The following CTNNA1 variants were observed in gnomAD, a reference collection of about 807,000 sequenced individuals.
CTNNA1 encodes catenin alpha 1, also known as catenin alpha-1.
In CTNNA1, 37 loss-of-function variants were observed where a neutral mutation model predicts 98.4. The observed-to-expected ratio is 0.38, with a 90% CI of 0.29 to 0.49. The LOEUF (loss-of-function observed/expected upper bound fraction) is 0.49, where lower values mean the gene tolerates loss of function less well. Among genes scored for constraint, CTNNA1 ranks in the 20% least tolerant of loss-of-function variants. The pLI, the probability that CTNNA1 is intolerant of heterozygous loss-of-function variation, is 0.95. For synonymous variants in CTNNA1, 404 were observed against 413.2 expected (o/e 0.98, Z 0.27); for missense variants, 761 against 1,147.2 (o/e 0.66, Z 4.86).
Position 138,772,879 on chromosome 5 carries a change from GAATTCAACTTCTTTCATTTTAT to G in CTNNA1, c.-2-9042_-2-9021del, listed in dbSNP as rs1753701713. Among the ~76,000 whole-genome samples the G allele has an allele frequency of 6.6e-5, 8 of 121,876 alleles. No individual in the cohort carries two copies. In the South Asian group the frequency reaches 1.7e-3, roughly 26 times the overall value. The allele number at this position is 121,876 out of a possible 152,430, so 80.0% of individuals were successfully genotyped here. On this transcript the variant is annotated intron_variant, in intron 1 of 17. Transcript: ENST00000302763. Reference sequence around the variant, plus strand: ...CAGGACTAGAAGGATTTGGAGTATAGAATTCAACTTCTTTCATTTTATAGATAGATGAAAAGAGCACCAGAAT... The same window carrying G: ...CAGGACTAGAAGGATTTGGAGTATAGAGATAGATGAAAAGAGCACCAGAAT...
At chr5:138,863,977 T>A (rs943599480) in intron 7 of CTNNA1, among the ~76,000 whole-genome samples, 17 of 152,174 alleles carry the variant, frequency 1.1e-4, no homozygotes, top group African/African-American at 4.1e-4. Flanking sequence ...TCTTTTTTTT[T>A]AATTAGATGG....
chr5:138,875,456 G>A, intron 7 of CTNNA1: 1 of 985,566 alleles, frequency 1.0e-6, no homozygotes, highest in Non-Finnish European at 1.2e-6. Flanking sequence ...CTTTGTAACA[G>A]CATCGGGGTC....
intron 7 of CTNNA1, among the ~76,000 whole-genome samples, chr5:138,868,370 C>T (rs1360182222): frequency 1.3e-5 from 2 of 152,180 alleles, no homozygotes; most frequent in African/African-American, 2.4e-5. Context: ...CTCACTGAGT[C>T]GTCATCCAGG....
chr5:138,855,648 G>A (rs1396457807), intron 7 of CTNNA1, among the ~76,000 whole-genome samples: 1 of 152,198 alleles, frequency 6.6e-6, no homozygotes, highest in Non-Finnish European at 1.5e-5. Context: ...ACGGTGTTTG[G>A]TGGGTGAGAC....
intron 5 of CTNNA1, among the ~76,000 whole-genome samples, chr5:138,815,475 T>C (rs1759341443): frequency 6.6e-6 from 1 of 152,040 alleles, no homozygotes; most frequent in South Asian, 2.1e-4. Context: ...GTGTTACTCT[T>C]AGGCCTCTTT....
intron 9 of CTNNA1, among the ~76,000 whole-genome samples, chr5:138,894,412 G>T (rs1561674360): frequency 6.7e-6 from 1 of 150,204 alleles, no homozygotes; most frequent in Non-Finnish European, 1.5e-5. Context: ...CTCCTGAGTA[G>T]CTGGGGCCAC....
intron 7 of CTNNA1, among the ~76,000 whole-genome samples, chr5:138,866,828 G>A (rs1764828014): frequency 6.6e-6 from 1 of 152,156 alleles, no homozygotes; most frequent in Non-Finnish European, 1.5e-5. Context: ...TTCATGCTAA[G>A]GAGAAATGTT....
chr5:138,858,948 T>C (rs553623822), intron 7 of CTNNA1, among the ~76,000 whole-genome samples: 2 of 152,340 alleles, frequency 1.3e-5, no homozygotes, highest in African/African-American at 4.8e-5. Flanking sequence ...CCCCTCAGAA[T>C]TAACCCCTGC....
intron 17 of CTNNA1, 119 bp downstream of exon 17, chr5:138,932,831 C>T: frequency 7.8e-7 from 1 of 1,284,168 alleles, no homozygotes; most frequent in Non-Finnish European, 1.1e-6. Flanking sequence ...TGCAGAAACT[C>T]CAAGTCCTGT....
At chr5:138,882,477 G>A (rs1753126627) in intron 7 of CTNNA1, among the ~76,000 whole-genome samples, 1 of 152,214 alleles carries the variant, frequency 6.6e-6, no homozygotes, top group African/African-American at 2.4e-5. Context: ...AAGAGGTTAT[G>A]TGGATCTTTC....
intron 4 of CTNNA1, among the ~76,000 whole-genome samples, chr5:138,810,653 T>C (rs1370361815): frequency 2.0e-5 from 3 of 152,210 alleles, no homozygotes; most frequent in Non-Finnish European, 1.5e-5. Context: ...GAATTTTTCT[T>C]AGTACAGAAC....
intron 1 of CTNNA1, among the ~76,000 whole-genome samples, chr5:138,776,555 C>T (rs1027465864): frequency 6.6e-6 from 1 of 152,202 alleles, no homozygotes; most frequent in Non-Finnish European, 1.5e-5. Flanking sequence ...CAATGAGCTG[C>T]TGGGCACACC....
intron 6 of CTNNA1, 70 bp downstream of exon 6, chr5:138,824,869 A>G (rs1760482229): frequency 6.9e-7 from 1 of 1,443,526 alleles, no homozygotes; most frequent in African/African-American, 1.4e-5. Flanking sequence ...TTCTGGGGAA[A>G]AGTGATCAAG....
chr5:138,776,749 C>T (rs534056203), intron 1 of CTNNA1, among the ~76,000 whole-genome samples: 9 of 145,406 alleles, frequency 6.2e-5, no homozygotes, highest in African/African-American at 1.8e-4. Flanking sequence ...TAGGGGCGGC[C>T]GGGCAGAAGC....
chr5:138,843,308 A>C (rs935702675), intron 7 of CTNNA1, among the ~76,000 whole-genome samples: 13 of 152,218 alleles, frequency 8.5e-5, no homozygotes, highest in South Asian at 2.1e-4. Context: ...TTATGTTAGA[A>C]AAAACTCATA....
At chr5:138,823,450 C>T (rs1234295672) in intron 5 of CTNNA1, among the ~76,000 whole-genome samples, 2 of 152,130 alleles carry the variant, frequency 1.3e-5, no homozygotes, top group Non-Finnish European at 1.5e-5. Flanking sequence ...GAAGCACATA[C>T]GCCTCAACTT....
intron 3 of CTNNA1, among the ~76,000 whole-genome samples, chr5:138,802,162 A>G (rs1401072296): frequency 3.9e-5 from 6 of 152,240 alleles, no homozygotes; most frequent in Non-Finnish European, 7.3e-5. Flanking sequence ...GCAGGGAAGC[A>G]TTGTTCAAAC....
chr5:138,874,336 C>G lies in CTNNA1; in HGVS notation c.1063-11876C>G, dbSNP rs766662016. The G allele has an allele frequency of 6.2e-7, 1 of 1,614,014 alleles. No homozygotes were observed. Among genetic ancestry groups the G allele is most frequent in the Non-Finnish European group, 8.5e-7 (1 of 1,179,904 alleles). On this transcript the variant is annotated intron_variant, in intron 7 of 17. Coordinates refer to ENST00000302763, the MANE Select transcript of CTNNA1 (RefSeq NM_001903.5). The surrounding 1 kb of genome is among the most constrained non-coding windows in gnomAD (Gnocchi z 4.1). ...AGCTGGCAAATTGATCTCTTTCGAG[C>G]TCTGTGATGTGATTGTGCCTCAGGG...
At chr5:138,906,021 C>T (rs540777350) in intron 10 of CTNNA1, among the ~76,000 whole-genome samples, 1 of 151,120 alleles carries the variant, frequency 6.6e-6, no homozygotes, top group East Asian at 2.0e-4. Flanking sequence ...TATTATTTGG[C>T]TTTTTTCATG....
Sources: allele counts gnomAD v4.1 joint callset (sites outside exome capture counted in the v4.1 genomes callset), GRCh38; gene constraint gnomAD v4.1.1; non-coding constraint Gnocchi (gnomAD v3.1); transcripts MANE v1.5; gene names NCBI Gene and HGNC (gene_info 2026-07-23, HGNC 2026-07-21).